The following C1orf159 variants were observed in gnomAD, a reference collection of about 807,000 sequenced individuals.
C1orf159 encodes the protein uncharacterized protein C1orf159.
C1orf159 carries 19 observed loss-of-function variants against 25.6 expected under a neutral mutation model. That is an observed-to-expected ratio of 0.74 (90% CI 0.52 to 1.09). The LOEUF is 1.09. Ranked by LOEUF, C1orf159 falls within the 50% of genes least tolerant of loss-of-function variation. The pLI is 0.00. For synonymous variants in C1orf159, 139 were observed against 124.7 expected (o/e 1.12, Z -0.77); for missense variants, 274 against 290.6 (o/e 0.94, Z 0.42).
At chr1:1,099,494 TCCGA>T (rs1646063991) in intron 1 of C1orf159, among the ~76,000 whole-genome samples, 1 of 118,800 alleles carries the variant, frequency 8.4e-6, no homozygotes, top group Non-Finnish European at 1.7e-5. Flanking sequence ...GGTTAAAATC[TCCGA>T]CTATGATTGT....
At position 1,089,441 on chromosome 1, in the gene C1orf159, CT is replaced by C. The variant is rs1645889372; in HGVS notation, c.148+911del. On this transcript the variant is annotated intron_variant, in intron 4 of 9. Transcript: ENST00000421241. The surrounding 1 kb of genome is among the most constrained non-coding windows in gnomAD (Gnocchi z 7.5). ...AAGGTGCTCAGCTTCCTCCCAGCCC[CT>C]CTGTTCTCCCTCAGAGCGGTGCCCT... Among the ~76,000 whole-genome samples, 1 of 152,130 alleles carries C rather than the reference CT, an allele frequency of 6.6e-6. No individual in the cohort carries two copies. The highest frequency in any genetic ancestry group is 6.5e-5 in the Admixed American group (1 of 15,280).
intron 1 of C1orf159, among the ~76,000 whole-genome samples, chr1:1,103,342 T>C (rs1363549029): frequency 6.6e-6 from 1 of 152,246 alleles, no homozygotes; most frequent in African/African-American, 2.4e-5. Flanking sequence ...TGTCTTTCCC[T>C]TCGAGAATGG....
chr1:1,114,108 G>T (rs1646301139), intron 1 of C1orf159, among the ~76,000 whole-genome samples: 1 of 151,918 alleles, frequency 6.6e-6, no homozygotes, highest in African/African-American at 2.4e-5. Context: ...TCAGAGACGG[G>T]GTTTCACCAT....
intron 4 of C1orf159, among the ~76,000 whole-genome samples, chr1:1,090,091 A>C (rs997019615): frequency 1.3e-5 from 2 of 151,782 alleles, no homozygotes; most frequent in Admixed American, 6.6e-5. Context: ...TTCTCCAGGC[A>C]CCTTTCTGAT....
At chr1:1,088,907 G>A (rs979971276) in intron 4 of C1orf159, among the ~76,000 whole-genome samples, 1 of 152,210 alleles carries the variant, frequency 6.6e-6, no homozygotes, top group African/African-American at 2.4e-5. Context: ...CTACCAGGGT[G>A]GAGCTGCGCT....
intron 3 of C1orf159, chr1:1,090,827 CGCCCAGGT>C: frequency 1.4e-6 from 2 of 1,471,364 alleles, no homozygotes; most frequent in Non-Finnish European, 1.9e-6. Context: ...GACGAATTCA[CGCCCAGGT>C]GCCCAGGTAC....
chr1:1,090,859 T>C, intron 3 of C1orf159: 1 of 1,544,066 alleles, frequency 6.5e-7, no homozygotes, highest in Non-Finnish European at 8.8e-7. Flanking sequence ...ACAGGTGCGC[T>C]GGGTGCTGGC....
intron 6 of C1orf159, 72 bp from the exon 7 acceptor site, chr1:1,086,084 C>A: frequency 2.6e-6 from 4 of 1,555,996 alleles, no homozygotes; most frequent in Non-Finnish European, 3.5e-6. Context: ...CCGGTGCCCC[C>A]TGCACATGGC....
At position 1,089,089 on chromosome 1, in the gene C1orf159, C is replaced by T. The variant is rs565945624; in HGVS notation, c.148+1264G>A. On this transcript the variant is annotated intron_variant, in intron 4 of 9. Coordinates refer to ENST00000421241, the MANE Select transcript of C1orf159 (RefSeq NM_017891.5). The surrounding 1 kb of genome is among the most constrained non-coding windows in gnomAD (Gnocchi z 7.5). ...TCCCCAGAAGTGCCCGCTGCCTCCC[C>T]GAGCGGAGACGTGACCTGGCTTGGG... Among the ~76,000 whole-genome samples the T allele has an allele frequency of 5.9e-5, 9 of 152,302 alleles. No individual in the cohort carries two copies. The highest frequency in any genetic ancestry group is 2.1e-4 in the South Asian group (1 of 4,830).
intron 3 of C1orf159, chr1:1,090,644 G>A (rs745641401): frequency 4.8e-5 from 33 of 687,166 alleles, no homozygotes; most frequent in Middle Eastern, 3.9e-4. Context: ...GACCCTGGGT[G>A]GGCGGTCTCC....
chr1:1,088,177 A>T (rs1645865603), intron 4 of C1orf159, among the ~76,000 whole-genome samples: 1 of 32,626 alleles, frequency 3.1e-5, no homozygotes, highest in Non-Finnish European at 5.4e-5. Flanking sequence ...CTCTCCTAGG[A>T]TCCCCCAACG....
rs946740751 is a variant in C1orf159, at chr1:1,091,459, G to T, written c.72+13C>A. ...TGGCTTAGGCCGCGTGGACACGTGA[G>T]GGGGGCACCTACCGTGTTCTCCATG... On this transcript the variant is annotated intron_variant, in intron 3 of 9. Transcript: ENST00000421241. 1.2e-5 allele frequency: 19 copies of T among 1,549,644 alleles called. No individual in the cohort carries two copies. Among genetic ancestry groups the T allele is most frequent in the Non-Finnish European group, 1.3e-5 (15 of 1,146,370 alleles).
chr1:1,090,978 C>T (rs555301718), intron 3 of C1orf159: 161 of 1,549,746 alleles, frequency 1.0e-4, no homozygotes, highest in Non-Finnish European at 1.3e-4. Flanking sequence ...TGCTGTTTCT[C>T]GTGACCTGAA....
At chr1:1,085,745 G>T in intron 7 of C1orf159, 133 bp downstream of exon 7, 1 of 1,180,232 alleles carries the variant, frequency 8.5e-7, no homozygotes, top group Non-Finnish European at 1.2e-6. Context: ...AAAGCCACAG[G>T]ACAGGCCCTG....
At position 1,110,918 on chromosome 1, in the gene C1orf159, C is replaced by T. The variant is rs766971515; in HGVS notation, c.-136+5142G>A. 1.3e-5 allele frequency among the ~76,000 whole-genome samples: 2 copies of T among 152,240 alleles called. No individual in the cohort carries two copies. The highest frequency in any genetic ancestry group is 2.9e-5 in the Non-Finnish European group (2 of 68,044). ...CAGAGTGTCGGTAAAATCACAGCAG[C>T]GCTCCTGTCTGGCGCGGCAGGCGGG... On this transcript the variant is annotated intron_variant, in intron 1 of 9. Transcript: ENST00000421241. This position sits in a 1 kb window ranked among gnomAD's most constrained non-coding sequence, Gnocchi z 4.8.
chr1:1,111,481 G>C (rs12723165), intron 1 of C1orf159, among the ~76,000 whole-genome samples: 1 of 152,038 alleles, frequency 6.6e-6, no homozygotes, highest in African/African-American at 2.4e-5. Flanking sequence ...GCTACAGTGA[G>C]CCATGATCGC....
At chr1:1,097,455 T>C (rs1214108377) in intron 1 of C1orf159, among the ~76,000 whole-genome samples, 2 of 151,166 alleles carry the variant, frequency 1.3e-5, no homozygotes, top group African/African-American at 4.9e-5. Flanking sequence ...CTCTGTCGCC[T>C]GGGCTGGAGT....
At chr1:1,085,833 C>T in intron 7 of C1orf159, 45 bp downstream of exon 7, 15 of 1,608,232 alleles carry the variant, frequency 9.3e-6, no homozygotes, top group Non-Finnish European at 1.3e-5. Flanking sequence ...TGGATGCCGC[C>T]TGCCCTGTGC....
intron 6 of C1orf159, among the ~76,000 whole-genome samples, chr1:1,086,387 G>C (rs1263089622): frequency 2.0e-5 from 3 of 152,232 alleles, no homozygotes; most frequent in East Asian, 3.8e-4. Context: ...GCTCAGCACA[G>C]GCCCTGGGGC....
Sources: allele counts gnomAD v4.1 joint callset (sites outside exome capture counted in the v4.1 genomes callset), GRCh38; gene constraint gnomAD v4.1.1; non-coding constraint Gnocchi (gnomAD v3.1); transcripts MANE v1.5; gene names NCBI Gene and HGNC (gene_info 2026-07-23, HGNC 2026-07-21).